PLD3: variants seen among roughly 807,000 people sequenced by gnomAD.
PLD3 encodes the protein phospholipase D family member 3, also known as 5'-3' exonuclease PLD3.
PLD3 carries 31 observed loss-of-function variants against 58.4 expected under a neutral mutation model. The observed-to-expected ratio is 0.53, with a 90% CI of 0.40 to 0.72. The LOEUF is 0.72. PLD3 is among the 30% of genes least tolerant of loss of function. The pLI is 0.00. For missense variants in PLD3, 595 were observed against 659.8 expected, an observed-to-expected ratio of 0.90 and a Z score of 1.08; for synonymous variants, 264 against 273.4, an observed-to-expected ratio of 0.97 and a Z score of 0.34.
chr19:40,361,993 C>T lies in PLD3; in HGVS notation c.-278-3725C>T, dbSNP rs373075155. On this transcript the variant is annotated intron_variant, in intron 1 of 12. Transcript: ENST00000409735. ...CTGAGATTACAGGCGCCCTCCAACA[C>T]GCCCGGCTAATTTTTGTATTTTTAG... Among the ~76,000 whole-genome samples, 148 of 152,126 alleles carry T rather than the reference C, an allele frequency of 9.7e-4. 1 individual carries two copies. The highest frequency in any genetic ancestry group is 2.7e-3 in the African/African-American group (111 of 41,520).
At chr19:40,374,091 C>T (rs1415012317) in intron 9 of PLD3, among the ~76,000 whole-genome samples, 1 of 152,078 alleles carries the variant, frequency 6.6e-6, no homozygotes, top group Non-Finnish European at 1.5e-5. Flanking sequence ...TTCCTGGACC[C>T]CACCCCAGCA....
intron 1 of PLD3, among the ~76,000 whole-genome samples, chr19:40,354,158 C>A (rs996899248): frequency 8.0e-5 from 12 of 150,230 alleles, no homozygotes; most frequent in Middle Eastern, 3.5e-3. Flanking sequence ...ACTGCAACTT[C>A]CACCTTCTGG....
chr19:40,352,553 T>C (rs945346173), intron 1 of PLD3, among the ~76,000 whole-genome samples: 1 of 152,122 alleles, frequency 6.6e-6, no homozygotes, highest in Non-Finnish European at 1.5e-5. Context: ...CCTATTTCTC[T>C]TTATACCTGT....
Position 40,374,533 on chromosome 19 carries a change from T to A in PLD3, c.932T>A (p.Leu311Gln). The change falls in exon 10 of 13, where the codon CTA becomes CAA. Residue 311 changes from leucine to glutamine, a missense_variant. Coordinates refer to ENST00000409735, the MANE Select transcript of PLD3 (RefSeq NM_012268.4). Reference protein sequence around the residue: ...PSGRTPDLKALLNVVDNARSF... With the variant: ...PSGRTPDLKAQLNVVDNARSF... Reference sequence around the variant, plus strand: ...GGCCGCACTCCAGACCTGAAGGCTCTACTCAACGTGGTGGACAATGCCCGG... The same window carrying A: ...GGCCGCACTCCAGACCTGAAGGCTCAACTCAACGTGGTGGACAATGCCCGG... The A allele has an allele frequency of 1.9e-6, 3 of 1,614,198 alleles. No homozygotes were observed. The highest frequency in any genetic ancestry group is 2.5e-6 in the Non-Finnish European group (3 of 1,180,026).
At chr19:40,376,840 G>A in intron 11 of PLD3, 66 bp downstream of exon 11, 1 of 1,447,902 alleles carries the variant, frequency 6.9e-7, no homozygotes, top group Non-Finnish European at 9.4e-7. Flanking sequence ...CAGCCCTCAT[G>A]GGACTCGTCT....
intron 1 of PLD3, among the ~76,000 whole-genome samples, chr19:40,362,083 C>A (rs2078800756): frequency 6.6e-6 from 1 of 152,124 alleles, no homozygotes; most frequent in African/African-American, 2.4e-5. Flanking sequence ...GTGATCCACC[C>A]ACATCGGCCC....
intron 5 of PLD3, 119 bp downstream of exon 5, chr19:40,367,034 T>C (rs2078942196): frequency 1.7e-6 from 2 of 1,196,176 alleles, no homozygotes; most frequent in African/African-American, 3.1e-5. Context: ...GTGAGGAGGT[T>C]GCAGGCTCCC....
At chr19:40,373,700 C>G (rs2079122296) in intron 9 of PLD3, among the ~76,000 whole-genome samples, 1 of 150,282 alleles carries the variant, frequency 6.7e-6, no homozygotes, top group South Asian at 2.1e-4. Flanking sequence ...AAGAAAGTGA[C>G]TCGAGGCTGG....
At chr19:40,360,691 T>G (rs2078760570) in intron 1 of PLD3, 1 of 151,722 alleles carries the variant, frequency 6.6e-6, no homozygotes, top group Admixed American at 6.6e-5. Flanking sequence ...GGAGGGGAGA[T>G]TCCATTCCTC....
At chr19:40,351,933 G>A (rs145726622) in intron 1 of PLD3, among the ~76,000 whole-genome samples, 35 of 152,274 alleles carry the variant, frequency 2.3e-4, no homozygotes, top group African/African-American at 7.2e-4. Context: ...TCTTCAGTCC[G>A]CACTCACATA....
chr19:40,366,396 A>C (rs1600301326), intron 2 of PLD3, 23 bp from the exon 3 acceptor site: 1 of 1,102,964 alleles, frequency 9.1e-7, no homozygotes, highest in Admixed American at 1.7e-5. Flanking sequence ...CACCCCACAC[A>C]GTGCCCACTT....
At chr19:40,367,056 C>T (rs955324461) in intron 5 of PLD3, 141 bp downstream of exon 5, 14 of 835,572 alleles carry the variant, frequency 1.7e-5, no homozygotes, top group Non-Finnish European at 2.5e-5. Flanking sequence ...AGTGCTCGCC[C>T]GCCCCCTCCT....
At chr19:40,367,113 C>T (rs2078945153) in intron 5 of PLD3, 198 bp downstream of exon 5, 1 of 594,146 alleles carries the variant, frequency 1.7e-6, no homozygotes, top group East Asian at 2.9e-5. Context: ...CATCTTCTGT[C>T]AGGCCTGTGA....
intron 1 of PLD3, among the ~76,000 whole-genome samples, chr19:40,349,927 C>T (rs1293110802): frequency 9.7e-4 from 127 of 130,920 alleles, no homozygotes; most frequent in Middle Eastern, 0.011. Context: ...CATTGCACTC[C>T]AGCCTGGGCA....
intron 2 of PLD3, 124 bp downstream of exon 2, chr19:40,366,054 C>G (rs991931225): frequency 1.3e-4 from 31 of 231,080 alleles, no homozygotes; most frequent in Non-Finnish European, 2.3e-4. Context: ...GAATATACCC[C>G]CTGTCCCAGG....
intron 1 of PLD3, among the ~76,000 whole-genome samples, chr19:40,350,569 C>T (rs1436290800): frequency 6.6e-6 from 1 of 151,652 alleles, no homozygotes; most frequent in Non-Finnish European, 1.5e-5. Flanking sequence ...CATGGTGAAG[C>T]CCCATCTCTA....
chr19:40,358,430 T>C (rs958907254), intron 1 of PLD3: 2 of 152,354 alleles, frequency 1.3e-5, no homozygotes, highest in African/African-American at 4.8e-5. Flanking sequence ...TTTTGTATTT[T>C]TGGTAGAGAC....
intron 1 of PLD3, among the ~76,000 whole-genome samples, chr19:40,350,453 A>G (rs1423057381): frequency 3.3e-5 from 5 of 151,900 alleles, no homozygotes; most frequent in Non-Finnish European, 7.4e-5. Context: ...AATACAGACA[A>G]AAATATCTCG....
chr19:40,375,636 C>T (rs1350061272), intron 10 of PLD3, among the ~76,000 whole-genome samples: 3 of 131,962 alleles, frequency 2.3e-5, no homozygotes, highest in Non-Finnish European at 4.7e-5. Context: ...GGCGACGGAG[C>T]GAGACACCTT....
Sources: allele counts gnomAD v4.1 joint callset (sites outside exome capture counted in the v4.1 genomes callset), GRCh38; gene constraint gnomAD v4.1.1; transcripts MANE v1.5; gene names NCBI Gene and HGNC (gene_info 2026-07-23, HGNC 2026-07-21).